Variants in DRC1 observed in about 807,000 individuals in gnomAD.
DRC1 encodes the protein dynein regulatory complex protein 1.
DRC1 carries 74 observed loss-of-function variants against 98.7 expected under a neutral mutation model. The observed-to-expected ratio is 0.75, with a 90% CI of 0.62 to 0.91. DRC1 has a LOEUF of 0.91. DRC1 is among the 40% of genes least tolerant of loss of function. The pLI is 0.00. For synonymous variants in DRC1, 336 were observed against 334.1 expected, an observed-to-expected ratio of 1.01 and a Z score of -0.06; for missense variants, 875 against 886.0, an observed-to-expected ratio of 0.99 and a Z score of 0.16.
chr2:26,431,799 T>G (rs1663442478), intron 6 of DRC1, 85 bp from the exon 7 acceptor site: 3 of 1,568,358 alleles, frequency 1.9e-6, no homozygotes, highest in African/African-American at 1.4e-5. Flanking sequence ...AACTCTCCCC[T>G]GTGTCATGCT....
chr2:26,427,169 T>G (rs1018140233), intron 4 of DRC1, among the ~76,000 whole-genome samples: 2 of 152,076 alleles, frequency 1.3e-5, no homozygotes, highest in African/African-American at 4.8e-5. Flanking sequence ...CAGGCTGGAG[T>G]GCAGTAGACT....
intron 6 of DRC1, 86 bp downstream of exon 6, chr2:26,430,958 C>CTTTT (rs5830013): frequency 8.0e-4 from 277 of 344,462 alleles, no homozygotes; most frequent in Middle Eastern, 2.1e-3. Flanking sequence ...CTTTTTCTAT[C>CTTTT]TTTTTTTTTT....
intron 7 of DRC1, among the ~76,000 whole-genome samples, chr2:26,432,734 G>C (rs1264121881): frequency 6.6e-6 from 1 of 152,224 alleles, no homozygotes; most frequent in East Asian, 1.9e-4. Context: ...AGCTAGGACA[G>C]CTACTGGTAA....
chr2:26,421,777 C>A (rs943878206), intron 3 of DRC1, among the ~76,000 whole-genome samples: 1 of 152,120 alleles, frequency 6.6e-6, no homozygotes, highest in Non-Finnish European at 1.5e-5. Flanking sequence ...CCAGGCTGGT[C>A]TCGAACTACT....
chr2:26,444,136 G>T (rs770633122), intron 8 of DRC1, 86 bp from the exon 9 acceptor site: 273 of 1,582,142 alleles, frequency 1.7e-4, no homozygotes, highest in Non-Finnish European at 2.2e-4. Context: ...TCCTGGGTTT[G>T]TGGTAGAGCT....
At chr2:26,449,870 C>A in intron 11 of DRC1, 126 bp from the exon 12 acceptor site, 1 of 791,632 alleles carries the variant, frequency 1.3e-6, no homozygotes, top group East Asian at 2.8e-5. Context: ...CCACTGCTGG[C>A]TCCCATCCCT....
At chr2:26,405,212 G>A (rs916870584) in intron 1 of DRC1, among the ~76,000 whole-genome samples, 4 of 152,168 alleles carry the variant, frequency 2.6e-5, no homozygotes, top group South Asian at 2.1e-4. Flanking sequence ...GCACCTATGA[G>A]TTGTATTCTT....
chr2:26,451,060 G>A (rs546596582), intron 13 of DRC1, among the ~76,000 whole-genome samples: 4 of 152,224 alleles, frequency 2.6e-5, no homozygotes, highest in Admixed American at 6.5e-5. Context: ...CAATTGTCCC[G>A]AAGCCCCCAG....
rs3067393 is a variant in DRC1 at position 26,414,115 on chromosome 2, C to CATTATT, written c.156-204_156-199dup. Among the ~76,000 whole-genome samples the CATTATT allele has an allele frequency of 0.28, 40,975 of 144,208 alleles. 6,389 individuals are homozygous for CATTATT. The highest frequency in any genetic ancestry group is 0.35 in the Middle Eastern group (97 of 276). The allele number at this position is 144,208 out of a possible 152,430, so 94.6% of individuals were successfully genotyped here. A position where few individuals can be genotyped will look rare whatever the true frequency, so the allele number is the denominator to read the frequency against. The stretch of plus-strand genomic sequence containing the variant: ...ATTTATATATGAAGTACAATGGAAC[C>CATTATT]ATTATTATTATTATTATTATTATTA... On this transcript the variant is annotated intron_variant, in intron 1 of 16. Transcript: ENST00000288710.
intron 4 of DRC1, among the ~76,000 whole-genome samples, chr2:26,425,665 G>A (rs915304078): frequency 6.6e-6 from 1 of 152,130 alleles, no homozygotes; most frequent in African/African-American, 2.4e-5. Context: ...TTTCCGTAAC[G>A]ATTAGAGATG....
chr2:26,438,869 C>T (rs1187912452), intron 7 of DRC1, among the ~76,000 whole-genome samples: 4 of 152,148 alleles, frequency 2.6e-5, no homozygotes, highest in African/African-American at 4.8e-5. Flanking sequence ...TTTCTGATTC[C>T]ACTTGATTGC....
At chr2:26,417,414 C>T (rs1006540959) in intron 2 of DRC1, among the ~76,000 whole-genome samples, 10 of 151,974 alleles carry the variant, frequency 6.6e-5, no homozygotes, top group Admixed American at 3.9e-4. Flanking sequence ...CTGCAACCGC[C>T]GCCTCCTGGG....
At chr2:26,444,137 T>C (rs1465032532) in intron 8 of DRC1, 85 bp from the exon 9 acceptor site, 3 of 1,584,382 alleles carry the variant, frequency 1.9e-6, no homozygotes, top group Non-Finnish European at 2.6e-6. Flanking sequence ...CCTGGGTTTG[T>C]GGTAGAGCTG....
intron 2 of DRC1, 39 bp from the exon 3 acceptor site, chr2:26,421,249 G>A: frequency 6.3e-7 from 1 of 1,579,182 alleles, no homozygotes; most frequent in Non-Finnish European, 8.7e-7. Flanking sequence ...TATTTACAAA[G>A]TGTTCTAGCT....
At chr2:26,442,766 G>A (rs1054277310) in intron 8 of DRC1, among the ~76,000 whole-genome samples, 1 of 152,108 alleles carries the variant, frequency 6.6e-6, no homozygotes, top group African/African-American at 2.4e-5. Context: ...CCTGTTTCCA[G>A]TTCTCCAGCC....
intron 1 of DRC1, among the ~76,000 whole-genome samples, chr2:26,402,772 A>G (rs1396151379): frequency 1.3e-5 from 2 of 152,136 alleles, no homozygotes; most frequent in African/African-American, 4.8e-5. Flanking sequence ...CTGGGCCTTC[A>G]TAGGGTTGAT....
At chr2:26,418,946 T>C (rs1010947459) in intron 2 of DRC1, among the ~76,000 whole-genome samples, 2 of 148,698 alleles carry the variant, frequency 1.3e-5, no homozygotes, top group Non-Finnish European at 3.0e-5. Context: ...TGGAGTACAG[T>C]TGCATGATCT....
chr2:26,412,208 G>A (rs906834583), intron 1 of DRC1, among the ~76,000 whole-genome samples: 4 of 152,140 alleles, frequency 2.6e-5, no homozygotes, highest in African/African-American at 9.7e-5. Context: ...AAAGGGAGTA[G>A]AGATGGAAGT....
intron 4 of DRC1, among the ~76,000 whole-genome samples, chr2:26,427,551 T>C (rs10167109): frequency 0.69 from 104,333 of 152,066 alleles, 40,912 homozygotes; most frequent in Non-Finnish European, 0.89. Flanking sequence ...ACTTCAAGCA[T>C]GTATCATTTC....
Sources: gnomAD v4.1 joint callset for allele counts (sites outside exome capture counted in the v4.1 genomes callset) on GRCh38, gnomAD v4.1.1 for gene constraint, MANE v1.5 for transcripts, NCBI Gene and HGNC (gene_info 2026-07-23, HGNC 2026-07-21) for gene names.